ANK1: variants seen among roughly 807,000 people sequenced by gnomAD.
ANK1 encodes ankyrin-1.
ANK1 carries 51 observed loss-of-function variants against 210.4 expected under a neutral mutation model. The ratio of observed to expected loss-of-function variants is 0.24; its 90% CI spans 0.19 to 0.31. The LOEUF (loss-of-function observed/expected upper bound fraction) is 0.31, where lower values mean the gene tolerates loss of function less well. Ranked by LOEUF, ANK1 falls within the 10% of genes least tolerant of loss-of-function variation. ANK1 has a pLI of 1.00. For synonymous variants in ANK1, 967 were observed against 1,025.9 expected, an observed-to-expected ratio of 0.94 and a Z score of 1.10; for missense variants, 2,051 against 2,504.4, an observed-to-expected ratio of 0.82 and a Z score of 3.86.
Position 41,728,026 on chromosome 8 carries a change from G to A in ANK1, c.229-20C>T, listed in dbSNP as rs1831167240. On this transcript the variant is annotated intron_variant, in intron 3 of 42. Transcript: ENST00000289734. ...CCCCTTCTGAAACACATGGGGGAAGGGAACAGAGGCGGTTTCCCACTGGGC... is the reference window on the plus strand; with the variant it reads ...CCCCTTCTGAAACACATGGGGGAAGAGAACAGAGGCGGTTTCCCACTGGGC... 6.2e-7 allele frequency: 1 copy of A among 1,612,568 alleles called. No homozygotes were observed. Among genetic ancestry groups the A allele is most frequent in the Non-Finnish European group, 8.5e-7 (1 of 1,179,264 alleles).
intron 37 of ANK1, among the ~76,000 whole-genome samples, chr8:41,682,318 G>A (rs938791158): frequency 2.6e-5 from 4 of 152,258 alleles, no homozygotes; most frequent in South Asian, 4.1e-4. Flanking sequence ...AGTGCCACCC[G>A]CTTCCCTTGC....
intron 1 of ANK1, among the ~76,000 whole-genome samples, chr8:41,853,368 A>C (rs1811614602): frequency 6.6e-6 from 1 of 152,252 alleles, no homozygotes; most frequent in South Asian, 2.1e-4. Flanking sequence ...TCTGCATCGC[A>C]AAGGCAAAAG....
At chr8:41,759,132 G>A (rs956617305) in intron 1 of ANK1, among the ~76,000 whole-genome samples, 1 of 152,082 alleles carries the variant, frequency 6.6e-6, no homozygotes, top group Non-Finnish European at 1.5e-5. Context: ...TACATATACA[G>A]TCAAGCCCAT....
chr8:41,796,208 C>A (rs1032857836), intron 1 of ANK1, among the ~76,000 whole-genome samples: 1 of 152,174 alleles, frequency 6.6e-6, no homozygotes, highest in African/African-American at 2.4e-5. Context: ...ACCCATTTCC[C>A]AGACAAGAAA....
At chr8:41,738,020 A>G (rs558861385) in intron 2 of ANK1, among the ~76,000 whole-genome samples, 1 of 152,228 alleles carries the variant, frequency 6.6e-6, no homozygotes, top group Non-Finnish European at 1.5e-5. Flanking sequence ...CATAAAAAAT[A>G]AATGCAAAAT....
At chr8:41,809,960 G>A (rs369887286) in intron 1 of ANK1, among the ~76,000 whole-genome samples, 2 of 152,286 alleles carry the variant, frequency 1.3e-5, no homozygotes, top group East Asian at 1.9e-4. Flanking sequence ...GTCTCCCACC[G>A]TCATGTTACC....
chr8:41,771,235 G>A (rs1842898774), intron 1 of ANK1, among the ~76,000 whole-genome samples: 1 of 152,060 alleles, frequency 6.6e-6, no homozygotes, highest in Non-Finnish European at 1.5e-5. Flanking sequence ...ATCTTTGCAG[G>A]AGATCCTTCA....
upstream of ANK1, among the ~76,000 whole-genome samples, chr8:41,798,095 C>G (rs1447690198): frequency 6.6e-6 from 1 of 152,004 alleles, no homozygotes; most frequent in African/African-American, 2.4e-5. Flanking sequence ...GAAGCTTCGG[C>G]CCTGGGTGCC....
rs1011842284 is a variant in ANK1, at chr8:41,653,835, G to A, written c.*1955C>T. On this transcript the variant is annotated 3_prime_UTR_variant, in exon 43 of 43. Transcript: ENST00000289734. ...CCGACGCAGCCTCGGGGAAACTCAG[G>A]CCCGGAGCTAGAGCTTCCTCTCCCT... is the stretch of plus-strand genomic sequence containing the variant. 1.3e-5 allele frequency: 2 copies of A among 152,318 alleles called. No individual in the cohort carries two copies. Among genetic ancestry groups the A allele is most frequent in the Admixed American group, 1.3e-4 (2 of 15,310 alleles). The allele number at this position is 152,318 out of a possible 1,614,324, so 9.4% of individuals were successfully genotyped here.
rs1175535978 is a variant in ANK1 at position 41,797,163 on chromosome 8, G to A, written c.27+349C>T. ...AAAACGCAGTTTAGCAGACTCAAAG[G>A]AAAGCCTCTAAGATCTCAATAGATT... On this transcript the variant is annotated intron_variant, in intron 1 of 42. Coordinates refer to ENST00000289734, the MANE Select transcript of ANK1 (RefSeq NM_000037.4). This position sits in a 1 kb window ranked among gnomAD's most constrained non-coding sequence, Gnocchi z 4.0. Among the ~76,000 whole-genome samples, 1 of 152,154 alleles carries A rather than the reference G, an allele frequency of 6.6e-6. No individual in the cohort carries two copies. The highest frequency in any genetic ancestry group is 2.4e-5 in the African/African-American group (1 of 41,438).
chr8:41,701,504 G>A, intron 22 of ANK1, 46 bp downstream of exon 22: 1 of 1,592,302 alleles, frequency 6.3e-7, no homozygotes, highest in Non-Finnish European at 8.6e-7. Context: ...AGGGTGCCCG[G>A]AGCCCCTCTG....
Position 41,758,088 on chromosome 8 carries a change from T to C in ANK1, c.77A>G (p.Asp26Gly), listed in dbSNP as rs781583026. The change falls in exon 2 of 43, where the codon GAC becomes GGC. Residue 26 changes from aspartate (D) to glycine (G), a missense_variant. Coordinates refer to ENST00000289734, the MANE Select transcript of ANK1 (RefSeq NM_000037.4). ...FLRAARSGNL[D>G]KALDHLRNGV... is the part of the protein sequence containing the mutation. ...ATTCCGCAGGTGATCCAAAGCTTTG[T>C]CCAAGTTACCTGATCTTGCTGCTCT... 3.1e-6 allele frequency: 5 copies of C among 1,614,176 alleles called. No homozygotes were observed. In the East Asian group the frequency reaches 8.9e-5, roughly 29 times the overall value.
intron 35 of ANK1, 30 bp from the exon 36 acceptor site, chr8:41,686,313 AGCCTCCAGCTCACCAACAGCAGGGG>A: frequency 6.2e-7 from 1 of 1,612,454 alleles, no homozygotes; most frequent in Non-Finnish European, 8.5e-7. Flanking sequence ...AGCAGATGTG[AGCCTCCAGCTCACCAACAGCAGGGG>A]GCCTCCAGCA....
At chr8:41,874,589 C>G (rs1816209922) in intron 1 of ANK1, among the ~76,000 whole-genome samples, 1 of 152,162 alleles carries the variant, frequency 6.6e-6, no homozygotes, top group Non-Finnish European at 1.5e-5. Context: ...TGAGTTCATT[C>G]CATCTTGCTG....
At chr8:41,717,090 C>G in intron 12 of ANK1, 39 bp from the exon 13 acceptor site, 1 of 1,607,502 alleles carries the variant, frequency 6.2e-7, no homozygotes, top group Non-Finnish European at 8.5e-7. Context: ...TCATACATGC[C>G]TGCTGTCCAA....
At chr8:41,769,553 AC>A (rs1842587117) in intron 1 of ANK1, among the ~76,000 whole-genome samples, 1 of 152,226 alleles carries the variant, frequency 6.6e-6, no homozygotes, top group Non-Finnish European at 1.5e-5. Flanking sequence ...TATATATAAT[AC>A]TTTTAAAAAC....
chr8:41,658,976 C>T (rs1806814698), intron 42 of ANK1, among the ~76,000 whole-genome samples: 1 of 152,200 alleles, frequency 6.6e-6, no homozygotes, highest in South Asian at 2.1e-4. Flanking sequence ...TGAACCACTG[C>T]TCCTAAGGGA....
chr8:41,680,606 G>C (rs1479264415), intron 37 of ANK1, among the ~76,000 whole-genome samples: 1 of 150,212 alleles, frequency 6.7e-6, no homozygotes, highest in East Asian at 2.0e-4. Flanking sequence ...GAGAGCACAT[G>C]TACCACCTCT....
At chr8:41,658,844 G>A (rs1341383076) in intron 42 of ANK1, among the ~76,000 whole-genome samples, 1 of 152,148 alleles carries the variant, frequency 6.6e-6, no homozygotes, top group Non-Finnish European at 1.5e-5. Flanking sequence ...AGTGAGCCGA[G>A]ATAGTGCCAC....
Sources: allele counts gnomAD v4.1 joint callset (sites outside exome capture counted in the v4.1 genomes callset), GRCh38; gene constraint gnomAD v4.1.1; non-coding constraint Gnocchi (gnomAD v3.1); transcripts MANE v1.5; gene names NCBI Gene and HGNC (gene_info 2026-07-23, HGNC 2026-07-21).